Variants in ANKFN1 observed in about 807,000 individuals in gnomAD.
ANKFN1 encodes the protein ankyrin repeat and fibronectin type-III domain-containing protein 1.
Under a neutral mutation model 108.7 loss-of-function variants are expected in ANKFN1, and 74 were observed. That is an observed-to-expected ratio of 0.68 (90% CI 0.56 to 0.83). The LOEUF is 0.83. Ranked by LOEUF, ANKFN1 falls within the 40% of genes least tolerant of loss-of-function variation. The probability of loss-of-function intolerance (pLI) is 0.00; values close to 1 mark genes in which losing one functional copy is unlikely to be tolerated. For synonymous variants in ANKFN1, 547 were observed against 516.2 expected, an observed-to-expected ratio of 1.06 and a Z score of -0.81; for missense variants, 1,505 against 1,382.3, an observed-to-expected ratio of 1.09 and a Z score of -1.41.
intron 4 of ANKFN1, among the ~76,000 whole-genome samples, chr17:56,089,117 C>T (rs1154748): frequency 0.49 from 74,338 of 150,830 alleles, 19,704 homozygotes; most frequent in Admixed American, 0.61. Flanking sequence ...TTTAAAAGGG[C>T]GAAGGACTTT....
At chr17:56,245,379 A>T (rs2053531986) in intron 3 of ANKFN1, among the ~76,000 whole-genome samples, 1 of 152,036 alleles carries the variant, frequency 6.6e-6, no homozygotes, top group South Asian at 2.1e-4. Flanking sequence ...GAAGACAACT[A>T]CTTTATCTGG....
At chr17:56,498,809 G>A in intron 19 of ANKFN1, 73 bp from the exon 20 acceptor site, 1 of 1,251,324 alleles carries the variant, frequency 8.0e-7, no homozygotes, top group Non-Finnish European at 1.1e-6. Context: ...GATCATCTTG[G>A]ACTCTCAGGG....
At chr17:56,441,530 G>T (rs1200330986) in intron 9 of ANKFN1, among the ~76,000 whole-genome samples, 1 of 152,132 alleles carries the variant, frequency 6.6e-6, no homozygotes, top group Non-Finnish European at 1.5e-5. Context: ...GTGGCCCCCA[G>T]AGATGCTATC....
intron 8 of ANKFN1, among the ~76,000 whole-genome samples, chr17:56,419,121 A>G (rs1249327748): frequency 6.6e-6 from 1 of 152,002 alleles, no homozygotes. Flanking sequence ...CAGTTGGCCA[A>G]CCCCCAGTCA....
chr17:56,317,933 A>G lies in ANKFN1; in HGVS notation c.54-8288A>G, dbSNP rs535663867. Reference sequence around the variant, plus strand: ...GCTTACCCTTCCCTTGTGAGACACGATACACATTGTCTCCCCTTGTGCTTA... The same window carrying G: ...GCTTACCCTTCCCTTGTGAGACACGGTACACATTGTCTCCCCTTGTGCTTA... On this transcript the variant is annotated intron_variant, in intron 3 of 20. Transcript: ENST00000682825. Among the ~76,000 whole-genome samples the G allele has an allele frequency of 2.2e-4, 33 of 152,296 alleles. No individual in the cohort carries two copies. The East Asian group carries it at 4.0e-3, about 19-fold the overall frequency.
intron 1 of ANKFN1, among the ~76,000 whole-genome samples, chr17:56,180,185 C>T (rs563386287): frequency 3.3e-5 from 5 of 152,154 alleles, no homozygotes; most frequent in Non-Finnish European, 7.4e-5. Flanking sequence ...AGTGTAGTTA[C>T]TCTGATAGTT....
chr17:56,071,637 T>C (rs1487143874), intron 4 of ANKFN1, among the ~76,000 whole-genome samples: 1 of 152,232 alleles, frequency 6.6e-6, no homozygotes, highest in African/African-American at 2.4e-5. Context: ...TGTTTGTTTG[T>C]TTGTTTTTAT....
At chr17:56,262,716 T>G (rs1370590461) in intron 3 of ANKFN1, among the ~76,000 whole-genome samples, 1 of 152,176 alleles carries the variant, frequency 6.6e-6, no homozygotes, top group Non-Finnish European at 1.5e-5. Context: ...AGTTTGACAT[T>G]AATGAAAATG....
At chr17:56,245,010 A>C (rs1280277074) in intron 3 of ANKFN1, among the ~76,000 whole-genome samples, 1 of 152,130 alleles carries the variant, frequency 6.6e-6, no homozygotes, top group Non-Finnish European at 1.5e-5. Flanking sequence ...TACATTGCTT[A>C]CTTGTCTGTA....
At chr17:56,072,918 C>G (rs1421631975) in intron 4 of ANKFN1, among the ~76,000 whole-genome samples, 3 of 152,166 alleles carry the variant, frequency 2.0e-5, no homozygotes, top group Non-Finnish European at 4.4e-5. Flanking sequence ...GGACCAAGAC[C>G]AGAAGACCCA....
At chr17:56,493,920 A>G (rs535085949) in intron 19 of ANKFN1, among the ~76,000 whole-genome samples, 10 of 152,302 alleles carry the variant, frequency 6.6e-5, no homozygotes, top group African/African-American at 2.4e-4. Flanking sequence ...CAACAGTCCC[A>G]ATCTCCTCAT....
chr17:56,290,138 G>C (rs2044320929), intron 3 of ANKFN1, among the ~76,000 whole-genome samples: 1 of 151,844 alleles, frequency 6.6e-6, no homozygotes, highest in African/African-American at 2.4e-5. Flanking sequence ...CTCCAATTCT[G>C]TTTTCCTCTG....
intron 6 of ANKFN1, among the ~76,000 whole-genome samples, chr17:56,369,520 T>C (rs1031525911): frequency 2.0e-5 from 3 of 152,218 alleles, no homozygotes; most frequent in African/African-American, 7.2e-5. Context: ...ATCACACCAT[T>C]ACTCAAGATA....
intron 3 of ANKFN1, among the ~76,000 whole-genome samples, chr17:56,321,340 A>G (rs1240649684): frequency 6.6e-6 from 1 of 152,054 alleles, no homozygotes; most frequent in South Asian, 2.1e-4. Context: ...GCCTCGCCCT[A>G]AGGAAGGTCA....
intron 14 of ANKFN1, among the ~76,000 whole-genome samples, chr17:56,463,042 T>C (rs747366333): frequency 1.3e-5 from 2 of 152,206 alleles, no homozygotes; most frequent in African/African-American, 2.4e-5. Context: ...ACTGTGCAAT[T>C]TGCACCTTGT....
At chr17:56,319,348 A>C (rs1158084361) in intron 3 of ANKFN1, among the ~76,000 whole-genome samples, 1 of 152,208 alleles carries the variant, frequency 6.6e-6, no homozygotes, top group Non-Finnish European at 1.5e-5. Context: ...GAGTTATCAA[A>C]TCCTAGAGTA....
intron 18 of ANKFN1, among the ~76,000 whole-genome samples, chr17:56,484,362 GA>G (rs201239215): frequency 1.0e-4 from 15 of 143,446 alleles, no homozygotes; most frequent in Non-Finnish European, 1.5e-4. Flanking sequence ...AAAATAAGAA[GA>G]AAAAAAAAGA....
At chr17:56,060,858 C>T (rs935568962) in intron 4 of ANKFN1, among the ~76,000 whole-genome samples, 3 of 152,194 alleles carry the variant, frequency 2.0e-5, no homozygotes, top group Admixed American at 1.3e-4. Context: ...ATTTTCACAT[C>T]GATGTTCAAC....
chr17:56,478,817 A>G (rs578186593), intron 16 of ANKFN1, among the ~76,000 whole-genome samples: 3 of 152,188 alleles, frequency 2.0e-5, no homozygotes, highest in Non-Finnish European at 4.4e-5. Context: ...TTCTAGTTAC[A>G]CTCATGGATT....
Sources: gnomAD v4.1 joint callset for allele counts (sites outside exome capture counted in the v4.1 genomes callset) on GRCh38, gnomAD v4.1.1 for gene constraint, MANE v1.5 for transcripts, NCBI Gene and HGNC (gene_info 2026-07-23, HGNC 2026-07-21) for gene names.